CACHD1: variants seen among roughly 807,000 people sequenced by gnomAD.
The protein encoded by CACHD1 is cache domain containing 1.
A neutral mutation model predicts 138.7 loss-of-function variants in CACHD1; 71 were observed. The ratio of observed to expected loss-of-function variants is 0.51; its 90% CI spans 0.42 to 0.62. The LOEUF (loss-of-function observed/expected upper bound fraction) is 0.62. CACHD1 is among the 20% of genes least tolerant of loss of function. CACHD1 has a pLI of 0.00. For synonymous variants in CACHD1, 578 were observed against 591.5 expected (o/e 0.98, Z 0.33); for missense variants, 1,389 against 1,625.3 (o/e 0.85, Z 2.50).
chr1:64,505,271 G>A (rs1646363219), intron 1 of CACHD1, among the ~76,000 whole-genome samples: 1 of 152,094 alleles, frequency 6.6e-6, no homozygotes, highest in Non-Finnish European at 1.5e-5. Flanking sequence ...AGAGCCTCTG[G>A]GGAGCCCCTG....
intron 19 of CACHD1, among the ~76,000 whole-genome samples, chr1:64,674,381 T>C (rs997942266): frequency 3.9e-5 from 6 of 152,336 alleles, no homozygotes; most frequent in African/African-American, 1.2e-4. Context: ...AAGTCTGACT[T>C]ATTCTGTGTA....
At chr1:64,647,665 G>A in intron 8 of CACHD1, 136 bp from the exon 9 acceptor site, 1 of 655,542 alleles carries the variant, frequency 1.5e-6, no homozygotes, top group South Asian at 1.9e-5. Flanking sequence ...TGTGTCCAGA[G>A]TCTATGTGGT....
chr1:64,478,385 A>G (rs949924493), intron 1 of CACHD1, among the ~76,000 whole-genome samples: 2 of 152,198 alleles, frequency 1.3e-5, no homozygotes, highest in Non-Finnish European at 1.5e-5. Context: ...TGCAATATGA[A>G]CTGCATCTAC....
At chr1:64,564,298 T>C (rs1646864266) in intron 2 of CACHD1, among the ~76,000 whole-genome samples, 1 of 152,088 alleles carries the variant, frequency 6.6e-6, no homozygotes, top group African/African-American at 2.4e-5. Context: ...AAACAACTTT[T>C]ATTACCGACT....
chr1:64,621,745 T>C (rs1647922986), intron 4 of CACHD1, among the ~76,000 whole-genome samples: 1 of 152,174 alleles, frequency 6.6e-6, no homozygotes, highest in African/African-American at 2.4e-5. Context: ...GAATTGGCTC[T>C]TGATGTACAG....
chr1:64,612,558 C>T (rs1273338925), intron 4 of CACHD1, among the ~76,000 whole-genome samples: 4 of 152,128 alleles, frequency 2.6e-5, no homozygotes, highest in Non-Finnish European at 4.4e-5. Flanking sequence ...CAGATGTTTT[C>T]AGGGAAAATG....
At chr1:64,489,183 A>G (rs1450292760) in intron 1 of CACHD1, among the ~76,000 whole-genome samples, 2 of 152,148 alleles carry the variant, frequency 1.3e-5, no homozygotes, top group African/African-American at 2.4e-5. Context: ...AACAATTACT[A>G]TGCTTCATTC....
At chr1:64,542,594 CAATTTT>C (rs1173988924) in intron 1 of CACHD1, among the ~76,000 whole-genome samples, 3 of 151,910 alleles carry the variant, frequency 2.0e-5, no homozygotes, top group African/African-American at 7.3e-5. Flanking sequence ...GTTATATATT[CAATTTT>C]AAGATTTGTG....
chr1:64,523,102 C>T (rs892576722), intron 1 of CACHD1, among the ~76,000 whole-genome samples: 5 of 152,216 alleles, frequency 3.3e-5, no homozygotes, highest in Non-Finnish European at 5.9e-5. Context: ...TGGTGAAATT[C>T]TGGAATTGCT....
At chr1:64,668,450 G>A (rs1038615431) in intron 16 of CACHD1, among the ~76,000 whole-genome samples, 16 of 152,260 alleles carry the variant, frequency 1.1e-4, no homozygotes, top group African/African-American at 3.9e-4. Context: ...CCCGGGAGGC[G>A]GAGGTTGCAG....
intron 2 of CACHD1, among the ~76,000 whole-genome samples, chr1:64,552,463 T>A (rs1299748038): frequency 8.5e-6 from 1 of 117,308 alleles, no homozygotes; most frequent in Non-Finnish European, 1.7e-5. Flanking sequence ...GTACTTTTAT[T>A]TTGTTTTGTT....
chr1:64,490,417 C>T (rs908228255), intron 1 of CACHD1, among the ~76,000 whole-genome samples: 1 of 152,192 alleles, frequency 6.6e-6, no homozygotes, highest in Non-Finnish European at 1.5e-5. Flanking sequence ...TCCTGTTTGA[C>T]CTTCGAACCC....
intron 15 of CACHD1, 103 bp downstream of exon 15, chr1:64,664,782 G>T: frequency 2.0e-6 from 2 of 1,002,842 alleles, no homozygotes; most frequent in South Asian, 4.1e-5. Flanking sequence ...AACTAAAGAA[G>T]ATACTTTCAT....
intron 1 of CACHD1, among the ~76,000 whole-genome samples, chr1:64,520,426 T>C (rs1301407418): frequency 6.6e-6 from 1 of 152,180 alleles, no homozygotes; most frequent in Non-Finnish European, 1.5e-5. Flanking sequence ...ATGGTGGAAA[T>C]ATTTGCAGTG....
At chr1:64,554,814 A>C (rs1646784524) in intron 2 of CACHD1, among the ~76,000 whole-genome samples, 1 of 152,232 alleles carries the variant, frequency 6.6e-6, no homozygotes, top group African/African-American at 2.4e-5. Flanking sequence ...GCTACCAGCC[A>C]TGTATGACTA....
chr1:64,665,550 TAAG>T (rs1649602280), intron 15 of CACHD1, among the ~76,000 whole-genome samples: 1 of 152,236 alleles, frequency 6.6e-6, no homozygotes, highest in African/African-American at 2.4e-5. Context: ...CTTTTTAAAG[TAAG>T]AAGGAATTTC....
chr1:64,592,823 C>T (rs142175505), intron 3 of CACHD1, among the ~76,000 whole-genome samples: 334 of 152,204 alleles, frequency 2.2e-3, no homozygotes, highest in South Asian at 4.6e-3. Context: ...GTTAGATAAT[C>T]ACAGACAAAG....
At chr1:64,561,325 G>A (rs1436760) in intron 2 of CACHD1, among the ~76,000 whole-genome samples, 92,614 of 151,804 alleles carry the variant, frequency 0.61, 30,590 homozygotes, top group Non-Finnish European at 0.72. Context: ...TTACATCTGC[G>A]TATATTACAA....
chr1:64,631,495 T>C (rs1457095061), intron 5 of CACHD1, among the ~76,000 whole-genome samples: 2 of 152,188 alleles, frequency 1.3e-5, no homozygotes, highest in Non-Finnish European at 2.9e-5. Flanking sequence ...GTTTTTTTGG[T>C]ACTTTGCCTG....
Sources: gnomAD v4.1 joint callset for allele counts (sites outside exome capture counted in the v4.1 genomes callset) on GRCh38, gnomAD v4.1.1 for gene constraint, MANE v1.5 for transcripts, NCBI Gene and HGNC (gene_info 2026-07-23, HGNC 2026-07-21) for gene names.